The following ODR4 variants were observed in gnomAD, a reference collection of about 807,000 sequenced individuals.
The protein encoded by ODR4 is protein odr-4 homolog.
ODR4 carries 47 observed loss-of-function variants against 60.2 expected under a neutral mutation model. That is an observed-to-expected ratio of 0.78 (90% confidence interval 0.62 to 1.00). The LOEUF is 1.00. Ranked by LOEUF, ODR4 falls within the 50% of genes least tolerant of loss-of-function variation. The probability of loss-of-function intolerance (pLI) is 0.00; values close to 1 mark genes in which losing one functional copy is unlikely to be tolerated. For synonymous variants in ODR4, 178 were observed against 175.5 expected (o/e 1.01, Z -0.11); for missense variants, 488 against 530.8 (o/e 0.92, Z 0.79).
chr1:186,391,769 A>T lies in ODR4; in HGVS notation c.689A>T (p.Asp230Val). The T allele has an allele frequency of 6.3e-7, 1 of 1,594,578 alleles. No homozygotes were observed. The highest frequency in any genetic ancestry group is 1.1e-5 in the South Asian group (1 of 88,582). ...ATTAATGGACAAGTTAAAGATGAAG[A>T]TTGTGACCTATTAGAAGGACAGGTA... ...YLINGQVKDE[D>V]CDLLEGQKKS... is the part of the protein sequence containing the mutation. Residue 230 changes from aspartate to valine, a missense_variant, in exon 8 of 14, where the codon GAT becomes GTT. Physicochemically the swap from Asp to Val is radical, Grantham distance 152. Coordinates refer to ENST00000287859, the MANE Select transcript of ODR4 (RefSeq NM_017847.6).
chr1:186,390,913 C>T, intron 7 of ODR4, 62 bp downstream of exon 7: 6 of 1,441,596 alleles, frequency 4.2e-6, no homozygotes, highest in Non-Finnish European at 5.7e-6. Flanking sequence ...TTTTATTCTG[C>T]TTACATGTGT....
intron 13 of ODR4, among the ~76,000 whole-genome samples, chr1:186,418,759 T>C (rs1661680567): frequency 1.3e-5 from 2 of 152,232 alleles, no homozygotes; most frequent in African/African-American, 4.8e-5. Context: ...CTTAGATACG[T>C]CTCAGTGCAC....
chr1:186,382,267 A>G (rs1006188156), intron 2 of ODR4, among the ~76,000 whole-genome samples: 17 of 151,542 alleles, frequency 1.1e-4, no homozygotes, highest in Non-Finnish European at 2.1e-4. Flanking sequence ...AAAAAAAAAA[A>G]AAGCCAGGCA....
chr1:186,390,370 A>G (rs1660416676), intron 6 of ODR4, among the ~76,000 whole-genome samples: 1 of 152,206 alleles, frequency 6.6e-6, no homozygotes, highest in Non-Finnish European at 1.5e-5. Context: ...GGAGTTGCTC[A>G]GTGATTATTT....
intron 10 of ODR4, among the ~76,000 whole-genome samples, 165 bp from the exon 11 acceptor site, chr1:186,398,789 G>A (rs947473886): frequency 6.6e-6 from 1 of 152,098 alleles, no homozygotes; most frequent in Non-Finnish European, 1.5e-5. Flanking sequence ...CTATAAATTT[G>A]TTAATAAGTG....
chr1:186,406,400 CTG>C, intron 12 of ODR4, 132 bp downstream of exon 12: 1 of 558,368 alleles, frequency 1.8e-6, no homozygotes, highest in Non-Finnish European at 3.0e-6. Context: ...GAAATATTAA[CTG>C]AGACATTTTA....
chr1:186,398,238 C>T, intron 9 of ODR4, 75 bp from the exon 10 acceptor site: 2 of 1,313,796 alleles, frequency 1.5e-6, no homozygotes, highest in Non-Finnish European at 2.0e-6. Context: ...CATAAAATCG[C>T]TAATATAATG....
intron 12 of ODR4, among the ~76,000 whole-genome samples, chr1:186,412,257 A>C (rs1661406347): frequency 6.6e-6 from 1 of 152,208 alleles, no homozygotes; most frequent in Non-Finnish European, 1.5e-5. Context: ...ATTTGAAATT[A>C]TTAATTGCTG....
chr1:186,424,240 A>T (rs1354048960), downstream of ODR4, among the ~76,000 whole-genome samples: 1 of 152,230 alleles, frequency 6.6e-6, no homozygotes, highest in East Asian at 1.9e-4. Flanking sequence ...AACCCAGAGT[A>T]ATCTTAAAAA....
chr1:186,385,099 C>T (rs1660203691), intron 3 of ODR4, among the ~76,000 whole-genome samples: 1 of 151,918 alleles, frequency 6.6e-6, no homozygotes, highest in South Asian at 2.1e-4. Context: ...AACCAGTTAT[C>T]CACCTCAAGG....
chr1:186,421,445 A>G (rs1255171349), downstream of ODR4: 1 of 152,218 alleles, frequency 6.6e-6, no homozygotes, highest in Non-Finnish European at 1.5e-5. Context: ...CAGAAGGGTG[A>G]TTGGAATTAG....
intron 11 of ODR4, among the ~76,000 whole-genome samples, chr1:186,405,786 A>C (rs1661149527): frequency 6.6e-6 from 1 of 152,082 alleles, no homozygotes; most frequent in Non-Finnish European, 1.5e-5. Flanking sequence ...TCCTGACCTC[A>C]AGTGATCTGC....
intron 9 of ODR4, among the ~76,000 whole-genome samples, chr1:186,398,091 G>C (rs1374674616): frequency 6.6e-6 from 1 of 152,100 alleles, no homozygotes; most frequent in Non-Finnish European, 1.5e-5. Flanking sequence ...TTTAGATGTA[G>C]TTGTGTTTAA....
Position 186,398,947 on chromosome 1 carries a change from C to T in ODR4, c.910-7C>T, listed in dbSNP as rs1660804338. ...TTACTGTGTTTTTTGTGTGTTTTTC[C>T]CTGTAGGCAGTAAAGAGGGATATAT... On this transcript the variant is annotated splice_polypyrimidine_tract_variant and splice_region_variant and intron_variant, in intron 10 of 13. Transcript: ENST00000287859. 8.8e-6 allele frequency: 14 copies of T among 1,584,248 alleles called. No individual in the cohort carries two copies. Among genetic ancestry groups the T allele is most frequent in the African/African-American group, 2.7e-5 (2 of 73,560 alleles).
chr1:186,405,800 C>T (rs1661150289), intron 11 of ODR4, among the ~76,000 whole-genome samples: 1 of 152,114 alleles, frequency 6.6e-6, no homozygotes, highest in Non-Finnish European at 1.5e-5. Context: ...GATCTGCCCA[C>T]CTCAGCCTCC....
At chr1:186,392,951 G>T (rs1434190894) in intron 8 of ODR4, among the ~76,000 whole-genome samples, 1 of 152,226 alleles carries the variant, frequency 6.6e-6, no homozygotes, top group Non-Finnish European at 1.5e-5. Context: ...GTTGCATTGA[G>T]CCGAGATCGT....
chr1:186,379,925 T>A, intron 2 of ODR4, 41 bp downstream of exon 2: 2 of 1,127,104 alleles, frequency 1.8e-6, no homozygotes, highest in Non-Finnish European at 1.3e-6. Flanking sequence ...AAATAATTAC[T>A]CTGTAATTTA....
intron 3 of ODR4, among the ~76,000 whole-genome samples, chr1:186,385,537 A>G (rs1381063752): frequency 2.0e-5 from 3 of 151,910 alleles, no homozygotes; most frequent in Admixed American, 2.0e-4. Flanking sequence ...GAAGTATAAG[A>G]AAAAGTCAGT....
chr1:186,381,334 T>TC (rs373776879), intron 2 of ODR4, among the ~76,000 whole-genome samples: 2 of 147,376 alleles, frequency 1.4e-5, no homozygotes, highest in African/African-American at 4.9e-5. Flanking sequence ...CCTTCCTTCT[T>TC]TTTTTTTTTT....
Sources: allele counts gnomAD v4.1 joint callset (sites outside exome capture counted in the v4.1 genomes callset), GRCh38; gene constraint gnomAD v4.1.1; transcripts MANE v1.5; gene names NCBI Gene and HGNC (gene_info 2026-07-23, HGNC 2026-07-21).